Variants in KALRN observed in about 807,000 individuals in gnomAD.
KALRN encodes kalirin.
In KALRN, 70 loss-of-function variants were observed where a neutral mutation model predicts 353.7. The ratio of observed to expected loss-of-function variants is 0.20; its 90% CI spans 0.16 to 0.24. The LOEUF (loss-of-function observed/expected upper bound fraction) is 0.24. Among genes scored for constraint, KALRN ranks in the 10% least tolerant of loss-of-function variants. KALRN has a pLI of 1.00. For synonymous variants in KALRN, 1,391 were observed against 1,434.8 expected, an observed-to-expected ratio of 0.97 and a Z score of 0.69; for missense variants, 2,791 against 3,756.7, an observed-to-expected ratio of 0.74 and a Z score of 6.72.
At chr3:124,281,373 C>T (rs1016266406) in intron 5 of KALRN, among the ~76,000 whole-genome samples, 1 of 152,178 alleles carries the variant, frequency 6.6e-6, no homozygotes, top group Non-Finnish European at 1.5e-5. Context: ...CCAGATTTCC[C>T]TGGGGAGGTG....
At chr3:124,576,038 C>T (rs2074058033) in intron 34 of KALRN, among the ~76,000 whole-genome samples, 1 of 151,866 alleles carries the variant, frequency 6.6e-6, no homozygotes, top group African/African-American at 2.4e-5. Flanking sequence ...CACCTCAGGG[C>T]CTGATCTTTT....
intron 2 of KALRN, among the ~76,000 whole-genome samples, chr3:124,228,786 G>A (rs9833095): frequency 0.058 from 8,852 of 152,248 alleles, 277 homozygotes; most frequent in Middle Eastern, 0.092. Context: ...CCAGAAATCC[G>A]TTTCATGGGG....
intron 23 of KALRN, among the ~76,000 whole-genome samples, chr3:124,460,412 A>G (rs1185220788): frequency 6.6e-6 from 1 of 152,224 alleles, no homozygotes; most frequent in Admixed American, 6.5e-5. Flanking sequence ...GTGAGGAAAG[A>G]CAGGTAAAAC....
At chr3:124,554,899 A>G (rs80313877) in intron 33 of KALRN, among the ~76,000 whole-genome samples, 4 of 152,222 alleles carry the variant, frequency 2.6e-5, no homozygotes, top group Non-Finnish European at 5.9e-5. Flanking sequence ...GGTTTCTCCC[A>G]TGAATGATTC....
chr3:124,208,569 G>GT (rs756035488), intron 1 of KALRN, among the ~76,000 whole-genome samples: 2 of 152,182 alleles, frequency 1.3e-5, no homozygotes, highest in Non-Finnish European at 2.9e-5. Context: ...AAGATGGTCT[G>GT]TTACAGAGGG....
At chr3:124,093,516 G>A (rs1577979314) in intron 1 of KALRN, among the ~76,000 whole-genome samples, 2 of 152,222 alleles carry the variant, frequency 1.3e-5, no homozygotes, top group South Asian at 4.1e-4. Context: ...GCTGTGATTG[G>A]GCAAGGACTG....
intron 33 of KALRN, among the ~76,000 whole-genome samples, chr3:124,529,867 A>G (rs1444569884): frequency 6.6e-6 from 1 of 152,132 alleles, no homozygotes. Context: ...GTCAAATAAA[A>G]AAGAAAGAAA....
At chr3:124,306,087 T>A (rs529450026) in intron 6 of KALRN, among the ~76,000 whole-genome samples, 2 of 152,218 alleles carry the variant, frequency 1.3e-5, no homozygotes, top group African/African-American at 4.8e-5. Flanking sequence ...TATTATTATT[T>A]ATTTTGAAAT....
intron 16 of KALRN, among the ~76,000 whole-genome samples, chr3:124,433,923 ACCT>A (rs1361992524): frequency 9.9e-5 from 15 of 152,274 alleles, no homozygotes; most frequent in African/African-American, 3.4e-4. Flanking sequence ...TGCAGTAGTA[ACCT>A]CCTTCGAAAA....
At chr3:124,117,365 C>T (rs1205447670) in intron 1 of KALRN, among the ~76,000 whole-genome samples, 1 of 151,176 alleles carries the variant, frequency 6.6e-6, no homozygotes, top group Non-Finnish European at 1.5e-5. Flanking sequence ...GGAGAATCAG[C>T]AAATTATTTT....
chr3:124,285,436 G>A (rs543901238), intron 5 of KALRN, among the ~76,000 whole-genome samples: 15 of 152,246 alleles, frequency 9.9e-5, no homozygotes, highest in Admixed American at 2.6e-4. Flanking sequence ...TACACTGAAA[G>A]CTCCAAGACT....
intron 34 of KALRN, chr3:124,584,958 C>G (rs754265579): frequency 6.4e-7 from 1 of 1,554,296 alleles, no homozygotes; most frequent in African/African-American, 1.4e-5. Context: ...ACTGGTCGCG[C>G]TCAGCGCGAG....
rs374734060 is a variant in KALRN at position 124,562,991 on chromosome 3, G to A, written c.5084G>A (p.Arg1695Gln). The change falls in exon 34 of 60, where the codon CGG (arginine) becomes CAG (glutamine). Residue 1695 changes from arginine (R) to glutamine (Q), a missense_variant. Around this residue, in one of 11 missense-constraint regions of KALRN, gnomAD observed 239 missense variants for 351.3 expected, o/e 0.68. Transcript: ENST00000682506. The stretch of plus-strand genomic sequence containing the variant: ...TGGTGTCTGGTCCGTACCACCGAAC[G>A]GAGCCCGCCCTTGGAGGGTCTGGTC... The part of the protein sequence containing the change: ...PGWCLVRTTE[R>Q]SPPLEGLVPS... 2.5e-5 allele frequency: 34 copies of A among 1,367,812 alleles called. No homozygotes were observed. The highest frequency in any genetic ancestry group is 2.5e-5 in the Non-Finnish European group (26 of 1,022,014). The allele number at this position is 1,367,812 out of a possible 1,614,324, so 84.7% of individuals were successfully genotyped here. A position where few individuals can be genotyped will look rare whatever the true frequency, so the allele number is the denominator to read the frequency against.
At chr3:124,071,152 G>T (rs1341108691) in intron 1 of KALRN, among the ~76,000 whole-genome samples, 3 of 152,188 alleles carry the variant, frequency 2.0e-5, no homozygotes, top group Non-Finnish European at 4.4e-5. Flanking sequence ...TGGTGTACAT[G>T]CCTGTGTAGG....
At chr3:124,571,494 TG>T (rs1245917523) in intron 34 of KALRN, among the ~76,000 whole-genome samples, 3 of 152,216 alleles carry the variant, frequency 2.0e-5, no homozygotes, top group Non-Finnish European at 4.4e-5. Flanking sequence ...ACTTTTTTCC[TG>T]GTTATTCCCT....
chr3:124,209,585 A>G (rs762071871), intron 1 of KALRN, among the ~76,000 whole-genome samples: 1 of 152,030 alleles, frequency 6.6e-6, no homozygotes, highest in African/African-American at 2.4e-5. Flanking sequence ...TCAGGCCTGA[A>G]GGAACTGTAT....
intron 23 of KALRN, among the ~76,000 whole-genome samples, chr3:124,461,450 A>G (rs1185258923): frequency 1.3e-5 from 2 of 152,164 alleles, no homozygotes; most frequent in Non-Finnish European, 1.5e-5. Flanking sequence ...GTTTTGGTAT[A>G]TATCTACAAA....
intron 1 of KALRN, chr3:124,164,235 A>T (rs1264107305): frequency 6.5e-6 from 1 of 153,072 alleles, no homozygotes; most frequent in Non-Finnish European, 1.5e-5. Context: ...TCTTGGATCC[A>T]GGGCTAAAAG....
At position 124,373,377 on chromosome 3, in the gene KALRN, T is replaced by C. The variant is rs568199074; in HGVS notation, c.1771-11468T>C. 2.6e-5 allele frequency among the ~76,000 whole-genome samples: 4 copies of C among 152,298 alleles called. No homozygotes were observed. The South Asian group carries it at 8.3e-4, about 32-fold the overall frequency. On this transcript the variant is annotated intron_variant, in intron 10 of 59. Coordinates refer to ENST00000682506, the MANE Select transcript of KALRN (RefSeq NM_001388419.1). ...GAGGTTGCTATTGGCATCCTGTGGG[T>C]AGATTCCAGGGATGCTGCTAAGCAT...
Sources: gnomAD v4.1 joint callset for allele counts (sites outside exome capture counted in the v4.1 genomes callset) on GRCh38, gnomAD v4.1.1 for gene constraint, gnomAD v4.1.1 regional missense constraint, MANE v1.5 for transcripts, NCBI Gene and HGNC (gene_info 2026-07-23, HGNC 2026-07-21) for gene names.